TOP2B: variants seen among roughly 807,000 people sequenced by gnomAD.
TOP2B encodes DNA topoisomerase 2-beta.
TOP2B carries 51 observed loss-of-function variants against 193.5 expected under a neutral mutation model. The ratio of observed to expected loss-of-function variants is 0.26; its 90% CI spans 0.21 to 0.33. TOP2B has a LOEUF of 0.33. Ranked by LOEUF, TOP2B falls within the 10% of genes least tolerant of loss-of-function variation. TOP2B has a pLI of 1.00. For missense variants in TOP2B, 1,378 were observed against 1,909.3 expected, an observed-to-expected ratio of 0.72 and a Z score of 5.19; for synonymous variants, 634 against 635.7, an observed-to-expected ratio of 1.00 and a Z score of 0.04.
intron 7 of TOP2B, among the ~76,000 whole-genome samples, chr3:25,635,496 C>G (rs1703081998): frequency 6.6e-6 from 1 of 152,142 alleles, no homozygotes; most frequent in South Asian, 2.1e-4. Flanking sequence ...TATGCAACTT[C>G]AGCAAAGACA....
intron 28 of TOP2B, among the ~76,000 whole-genome samples, chr3:25,610,411 G>A (rs894556859): frequency 6.6e-6 from 1 of 152,100 alleles, no homozygotes; most frequent in African/African-American, 2.4e-5. Flanking sequence ...CTCAAGGCAG[G>A]GTCAAAAAAG....
At chr3:25,623,449 A>T in intron 21 of TOP2B, 66 bp downstream of exon 21, 1 of 1,429,666 alleles carries the variant, frequency 7.0e-7, no homozygotes, top group Non-Finnish European at 9.7e-7. Context: ...ACTTTTCTAA[A>T]ATGACGGGAA....
At chr3:25,635,453 T>C (rs1441122045) in intron 7 of TOP2B, among the ~76,000 whole-genome samples, 2 of 152,164 alleles carry the variant, frequency 1.3e-5, no homozygotes, top group African/African-American at 2.4e-5. Context: ...AATTAATTAG[T>C]ATGTTAAAGT....
rs974123196 is a variant in TOP2B, at chr3:25,624,231, C to T, written c.2495+66G>A. 13 of 1,558,668 alleles carry T rather than the reference C, an allele frequency of 8.3e-6. No homozygotes were observed. The African/African-American group carries it at 1.1e-4, about 13-fold the overall frequency. On this transcript the variant is annotated intron_variant, in intron 20 of 35. Transcript: ENST00000264331. The stretch of plus-strand genomic sequence containing the variant: ...CATCTCTCCACAGCTATAATTCCAT[C>T]GAACATTTAGTTAGTTGGTTCCAAA...
chr3:25,652,616 T>G (rs954216085), intron 1 of TOP2B, among the ~76,000 whole-genome samples: 1 of 152,080 alleles, frequency 6.6e-6, no homozygotes, highest in Non-Finnish European at 1.5e-5. Flanking sequence ...TTAGAAAATA[T>G]CAGGAGACAA....
chr3:25,630,980 T>C, intron 10 of TOP2B, 41 bp from the exon 11 acceptor site: 1 of 1,529,150 alleles, frequency 6.5e-7, no homozygotes, highest in Non-Finnish European at 8.7e-7. Flanking sequence ...AAGCTGAAAA[T>C]TCATACATTT....
intron 34 of TOP2B, among the ~76,000 whole-genome samples, chr3:25,600,598 C>G (rs1289462914): frequency 6.6e-6 from 1 of 152,210 alleles, no homozygotes; most frequent in Non-Finnish European, 1.5e-5. Flanking sequence ...CATATCATGT[C>G]TTACAAACAT....
Position 25,633,888 on chromosome 3 carries a change from T to A in TOP2B, c.979A>T (p.Lys327Ter). ...ACAAAGCTGATTTGCTGGAATCCTT[T>A]TTCACTCAATGTGAGACAAACATCC... is the stretch of plus-strand genomic sequence containing the variant. ...RWDVCLTLSE[K>*]GFQQISFVNS... The change falls in exon 8 of 36, where the codon AAA becomes TAA. Residue 327 changes from lysine to a stop codon, truncating the protein, a stop_gained. Coordinates refer to ENST00000264331, the MANE Select transcript of TOP2B (RefSeq NM_001330700.2). LOFTEE classifies it high-confidence loss of function. The A allele has an allele frequency of 6.2e-7, 1 of 1,612,898 alleles. No individual in the cohort carries two copies. The highest frequency in any genetic ancestry group is 8.5e-7 in the Non-Finnish European group (1 of 1,179,290).
intron 18 of TOP2B, among the ~76,000 whole-genome samples, chr3:25,625,532 TTTTG>T (rs56012185): frequency 1.2e-4 from 18 of 151,668 alleles, no homozygotes; most frequent in South Asian, 2.1e-4. Flanking sequence ...TCATGAGGTT[TTTTG>T]TTTGTTTGTT....
chr3:25,664,317 C>A lies in TOP2B; in HGVS notation c.-20G>T, dbSNP rs1704021003. Reference sequence around the variant, plus strand: ...GGCCATGGCGAGTGCCTCCAGCTCACAGGCCCTGAGGCCGCAGCCGCCGCT... The same window carrying A: ...GGCCATGGCGAGTGCCTCCAGCTCAAAGGCCCTGAGGCCGCAGCCGCCGCT... On this transcript the variant is annotated 5_prime_UTR_variant, in exon 1 of 36. Transcript: ENST00000264331. The A allele has an allele frequency of 1.3e-6, 2 of 1,512,308 alleles. No individual in the cohort carries two copies. The highest frequency in any genetic ancestry group is 1.2e-5 in the South Asian group (1 of 82,262). The allele number at this position is 1,512,308 out of a possible 1,614,324, so 93.7% of individuals were successfully genotyped here.
chr3:25,600,316 GA>G (rs1268765800), intron 34 of TOP2B, among the ~76,000 whole-genome samples: 1 of 152,286 alleles, frequency 6.6e-6, no homozygotes, highest in East Asian at 1.9e-4. Context: ...CAAGTACGAA[GA>G]TAGACTTAAA....
intron 31 of TOP2B, 64 bp downstream of exon 31, chr3:25,607,107 A>G (rs907984820): frequency 8.3e-6 from 13 of 1,572,762 alleles, no homozygotes; most frequent in African/African-American, 8.1e-5. Context: ...AGAGCTCACT[A>G]TAATATCTTT....
rs79272034 is a variant in TOP2B, at chr3:25,644,291, G to T, written c.241-507C>A. On this transcript the variant is annotated intron_variant, in intron 2 of 35. Coordinates refer to ENST00000264331, the MANE Select transcript of TOP2B (RefSeq NM_001330700.2). The stretch of plus-strand genomic sequence containing the variant: ...CAGTACCTACTTCCCAAAATGGTTA[G>T]GATCAAATGAGATAATATATGTAAG... Among the ~76,000 whole-genome samples the T allele has an allele frequency of 5.8e-3, 875 of 152,138 alleles. 14 individuals are homozygous for T. The highest frequency in any genetic ancestry group is 0.02 in the African/African-American group (836 of 41,500).
intron 1 of TOP2B, 57 bp downstream of exon 1, chr3:25,664,172 G>A (rs1428594766): frequency 1.3e-6 from 2 of 1,488,334 alleles, no homozygotes; most frequent in Non-Finnish European, 9.0e-7. Context: ...TCGGAATTCC[G>A]CCCCCGCCGC....
At chr3:25,620,116 A>C in intron 22 of TOP2B, 54 bp from the exon 23 acceptor site, 38 of 1,158,408 alleles carry the variant, frequency 3.3e-5, no homozygotes, top group Non-Finnish European at 4.0e-5. Flanking sequence ...TCATGTTCTC[A>C]TACTACAAGT....
At position 25,630,794 on chromosome 3, in the gene TOP2B, A is replaced by G. The variant is rs545253724; in HGVS notation, c.1405+7T>C. On this transcript the variant is annotated splice_region_variant and intron_variant, in intron 11 of 35. Transcript: ENST00000264331. The stretch of plus-strand genomic sequence containing the variant: ...ATCAAAATCTTATTTAAAAATATCA[A>G]TCTTACCAGCATCATTAGCATCATC... 7 of 1,538,474 alleles carry G rather than the reference A, an allele frequency of 4.5e-6. No homozygotes were observed. The South Asian group carries it at 6.4e-5, about 14-fold the overall frequency.
chr3:25,624,182 C>T (rs1559498551), intron 20 of TOP2B, 115 bp downstream of exon 20: 1 of 1,268,138 alleles, frequency 7.9e-7, no homozygotes, highest in Non-Finnish European at 1.1e-6. Context: ...CATTCACCTT[C>T]TAAGTAGAAT....
intron 13 of TOP2B, among the ~76,000 whole-genome samples, chr3:25,629,412 A>C (rs1286037871): frequency 1.3e-5 from 2 of 152,116 alleles, no homozygotes; most frequent in Non-Finnish European, 2.9e-5. Flanking sequence ...AGAATGATTT[A>C]AGGATAGAAA....
At chr3:25,641,601 T>C (rs546331430) in intron 4 of TOP2B, among the ~76,000 whole-genome samples, 7 of 152,222 alleles carry the variant, frequency 4.6e-5, no homozygotes, top group South Asian at 4.1e-4. Context: ...TATAGTTAAC[T>C]TCATGGTATA....
Sources: gnomAD v4.1 joint callset for allele counts (sites outside exome capture counted in the v4.1 genomes callset) on GRCh38, gnomAD v4.1.1 for gene constraint, MANE v1.5 for transcripts, NCBI Gene and HGNC (gene_info 2026-07-23, HGNC 2026-07-21) for gene names.